The following CACNA1A variants were observed in gnomAD, a reference collection of about 807,000 sequenced individuals.
CACNA1A encodes voltage-dependent P/Q-type calcium channel subunit alpha-1A.
In CACNA1A, 57 loss-of-function variants were observed where a neutral mutation model predicts 262.4. That is an observed-to-expected ratio of 0.22 (90% CI 0.18 to 0.27). The LOEUF is 0.27. CACNA1A is among the 10% of genes least tolerant of loss of function. The pLI is 1.00. For missense variants in CACNA1A, 2,526 were observed against 3,562.8 expected, an observed-to-expected ratio of 0.71 and a Z score of 7.41; for synonymous variants, 1,431 against 1,419.3, an observed-to-expected ratio of 1.01 and a Z score of -0.18.
At chr19:13,276,464 C>T (rs376101807) in intron 23 of CACNA1A, among the ~76,000 whole-genome samples, 3 of 152,288 alleles carry the variant, frequency 2.0e-5, no homozygotes. Context: ...ATGGCCCTCA[C>T]CTCACTCAAA....
chr19:13,217,638 C>CT (rs2055064258), intron 38 of CACNA1A, among the ~76,000 whole-genome samples: 1 of 152,128 alleles, frequency 6.6e-6, no homozygotes, highest in Non-Finnish European at 1.5e-5. Context: ...CTTCAGGGAA[C>CT]TGAGTGGCAT....
chr19:13,498,231 C>T, intron 1 of CACNA1A, among the ~76,000 whole-genome samples: 1 of 152,094 alleles, frequency 6.6e-6, no homozygotes, highest in East Asian at 1.9e-4. Flanking sequence ...AGTTTTAAGT[C>T]TGCCCCAGAG....
At position 13,241,922 on chromosome 19, in the gene CACNA1A, C is replaced by A. The variant is rs1274433384; in HGVS notation, c.4950+3260G>T. On this transcript the variant is annotated intron_variant, in intron 31 of 46. Coordinates refer to ENST00000360228, the MANE Select transcript of CACNA1A (RefSeq NM_001127222.2). This position sits in a 1 kb window ranked among gnomAD's most constrained non-coding sequence, Gnocchi z 4.0. ...GAGACAGCACTGGTTAGTACTGCCG[C>A]ATGCCCTCTGCCCCCTAAACCCCAG... 6.6e-6 allele frequency among the ~76,000 whole-genome samples: 1 copy of A among 152,194 alleles called. No individual in the cohort carries two copies.
chr19:13,490,697 GAAAGAAAGAAA>G (rs1980684248), intron 1 of CACNA1A, among the ~76,000 whole-genome samples: 55 of 6,212 alleles, frequency 8.9e-3, no homozygotes, highest in African/African-American at 0.031. Context: ...AGAAAGGAAA[GAAAGAAAGAAA>G]GAAAGAAAGA....
chr19:13,385,315 C>T (rs1310188894), intron 3 of CACNA1A, among the ~76,000 whole-genome samples: 4 of 151,034 alleles, frequency 2.6e-5, no homozygotes, highest in African/African-American at 7.3e-5. Context: ...TTGCATCCTC[C>T]GCTTCCCAGG....
intron 17 of CACNA1A, among the ~76,000 whole-genome samples, chr19:13,302,847 C>T (rs1438895674): frequency 6.6e-6 from 1 of 152,210 alleles, no homozygotes; most frequent in Non-Finnish European, 1.5e-5. Flanking sequence ...TTGGCAACGT[C>T]TGCTTGGTTT....
intron 3 of CACNA1A, among the ~76,000 whole-genome samples, chr19:13,432,448 T>TAAATAAATAAAA (rs530882941): frequency 1.0e-3 from 151 of 150,242 alleles, no homozygotes; most frequent in African/African-American, 3.5e-3. Context: ...AATAAATAAA[T>TAAATAAATAAAA]AAAAATTAAA....
At chr19:13,423,386 A>T (rs1185480623) in intron 3 of CACNA1A, among the ~76,000 whole-genome samples, 2 of 152,232 alleles carry the variant, frequency 1.3e-5, no homozygotes, top group Non-Finnish European at 1.5e-5. Context: ...CAGCACCCAG[A>T]TCAGAGATTA....
intron 15 of CACNA1A, chr19:13,306,579 G>C (rs913121398): frequency 6.6e-6 from 1 of 152,208 alleles, no homozygotes; most frequent in Admixed American, 6.5e-5. Context: ...TGACTCTGGA[G>C]GGACTGCCCG....
chr19:13,458,787 G>A (rs183921942), intron 1 of CACNA1A, among the ~76,000 whole-genome samples: 7 of 152,282 alleles, frequency 4.6e-5, no homozygotes, highest in African/African-American at 7.2e-5. Context: ...GGGAATGTCC[G>A]CTGTCTCCCT....
chr19:13,329,308 C>T (rs758619919), intron 10 of CACNA1A, among the ~76,000 whole-genome samples: 5 of 151,284 alleles, frequency 3.3e-5, no homozygotes, highest in Non-Finnish European at 4.4e-5. Flanking sequence ...CCAGCTTAAC[C>T]GTCACTTCCT....
rs1490849768 is a variant in CACNA1A, at chr19:13,212,585, C to T, written c.6050+46G>A. ...TTGGGCAGCTTCCAGAACGTGGGGA[C>T]CACGGCACCCCCACACTCCACCTCC... On this transcript the variant is annotated intron_variant, in intron 41 of 46. Transcript: ENST00000360228. The surrounding 1 kb of genome is among the most constrained non-coding windows in gnomAD (Gnocchi z 5.6). 1.3e-6 allele frequency: 2 copies of T among 1,509,946 alleles called. No homozygotes were observed. The highest frequency in any genetic ancestry group is 1.3e-5 in the South Asian group (1 of 76,714). 93.5% of individuals were successfully genotyped at this position (1,509,946 alleles called of 1,614,324 possible). A position where few individuals can be genotyped will look rare whatever the true frequency, so the allele number is the denominator to read the frequency against.
In CACNA1A at chr19:13,506,292, C is replaced by T. The variant is rs15998; in HGVS notation, c.-68G>A. On this transcript the variant is annotated 5_prime_UTR_variant, in exon 1 of 47. Coordinates refer to ENST00000360228, the MANE Select transcript of CACNA1A (RefSeq NM_001127222.2). ...ATGCGGAAGACGCCGCCGCCGCCGC[C>T]GCCGCCGCTGATGCTGAGGCTGCCG... 14 of 1,341,212 alleles carry T rather than the reference C, an allele frequency of 1.0e-5. No individual in the cohort carries two copies. The East Asian group carries it at 3.5e-4, about 34-fold the overall frequency. The allele number at this position is 1,341,212 out of a possible 1,614,324, so 83.1% of individuals were successfully genotyped here.
intron 5 of CACNA1A, among the ~76,000 whole-genome samples, chr19:13,361,847 T>C (rs2059116561): frequency 1.3e-5 from 2 of 152,198 alleles, no homozygotes; most frequent in South Asian, 2.1e-4. Context: ...TGGGTTCCTA[T>C]AATAAATGAG....
rs1202467235 is a variant in CACNA1A, at chr19:13,241,462, A to G, written c.4950+3720T>C. On this transcript the variant is annotated intron_variant, in intron 31 of 46. Coordinates refer to ENST00000360228, the MANE Select transcript of CACNA1A (RefSeq NM_001127222.2). This position sits in a 1 kb window ranked among gnomAD's most constrained non-coding sequence, Gnocchi z 4.0. ...GGGTGTGGCATGCAATGCCGACGCG[A>G]GGAGATGCGTTCACAGTTAATGTAA... 94 of 1,195,848 alleles carry G rather than the reference A, an allele frequency of 7.9e-5. No individual in the cohort carries two copies. The highest frequency in any genetic ancestry group is 5.0e-5 in the Non-Finnish European group (43 of 854,944). 74.1% of individuals were successfully genotyped at this position (1,195,848 alleles called of 1,614,324 possible). A position where few individuals can be genotyped will look rare whatever the true frequency, so the allele number is the denominator to read the frequency against.
At chr19:13,428,859 TGAA>T (rs2060450322) in intron 3 of CACNA1A, among the ~76,000 whole-genome samples, 1 of 152,028 alleles carries the variant, frequency 6.6e-6, no homozygotes, top group Non-Finnish European at 1.5e-5. Flanking sequence ...TGCTTCTTAC[TGAA>T]GAATAGAAGC....
rs189165840 is a variant in CACNA1A, at chr19:13,253,695, C to T, written c.4756-594G>A. ...CTCCTAACCTTGTGATCGCCCTCCT[C>T]GGCCTCCCAAAGTGCTGGGATTACA... On this transcript the variant is annotated intron_variant, in intron 29 of 46. Transcript: ENST00000360228. Among the ~76,000 whole-genome samples the T allele has an allele frequency of 1.8e-3, 280 of 151,948 alleles. 2 individuals are homozygous for T. The highest frequency in any genetic ancestry group is 3.6e-3 in the Non-Finnish European group (245 of 67,968).
chr19:13,291,898 G>T (rs1396020561), intron 19 of CACNA1A, among the ~76,000 whole-genome samples: 1 of 152,134 alleles, frequency 6.6e-6, no homozygotes, highest in Non-Finnish European at 1.5e-5. Context: ...AGGATAAACT[G>T]TGGAGCTCAA....
At chr19:13,445,083 T>A (rs2060785236) in intron 3 of CACNA1A, among the ~76,000 whole-genome samples, 1 of 148,692 alleles carries the variant, frequency 6.7e-6, no homozygotes. Context: ...GAGGTTGCAG[T>A]GAGCCGAGAT....
Sources: allele counts gnomAD v4.1 joint callset (sites outside exome capture counted in the v4.1 genomes callset), GRCh38; gene constraint gnomAD v4.1.1; non-coding constraint Gnocchi (gnomAD v3.1); transcripts MANE v1.5; gene names NCBI Gene and HGNC (gene_info 2026-07-23, HGNC 2026-07-21).